The following DHX30 variants were observed in gnomAD, a reference collection of about 807,000 sequenced individuals.
DHX30 encodes the protein DExH-box helicase 30.
A neutral mutation model predicts 116.9 loss-of-function variants in DHX30; 4 were observed. That is an observed-to-expected ratio of 0.03 (90% CI 0.02 to 0.08). The LOEUF is 0.08. Ranked by LOEUF, DHX30 falls within the 10% of genes least tolerant of loss-of-function variation. The pLI, the probability that DHX30 is intolerant of heterozygous loss-of-function variation, is 1.00. For synonymous variants in DHX30, 697 were observed against 651.7 expected, an observed-to-expected ratio of 1.07 and a Z score of -1.06; for missense variants, 871 against 1,595.1, an observed-to-expected ratio of 0.55 and a Z score of 7.73.
intron 2 of DHX30, among the ~76,000 whole-genome samples, chr3:47,809,223 G>A (rs2035674070): frequency 7.1e-6 from 1 of 141,392 alleles, no homozygotes; most frequent in Non-Finnish European, 1.5e-5. Context: ...GGTGTCTATG[G>A]AATGTAACTT....
intron 3 of DHX30, among the ~76,000 whole-genome samples, chr3:47,813,333 C>G (rs2035887651): frequency 6.6e-6 from 1 of 152,020 alleles, no homozygotes; most frequent in Non-Finnish European, 1.5e-5. Context: ...CAGCGAGACT[C>G]CATCTCAAAA....
chr3:47,839,036 G>T (rs1040063720), intron 6 of DHX30, among the ~76,000 whole-genome samples: 1 of 151,756 alleles, frequency 6.6e-6, no homozygotes, highest in Non-Finnish European at 1.5e-5. Flanking sequence ...ACCACCCCTG[G>T]CTAACTGCCT....
rs372320878 is a variant in DHX30, at chr3:47,849,626, C to T, written c.3192-4C>T. 6 of 1,614,078 alleles carry T rather than the reference C, an allele frequency of 3.7e-6. No homozygotes were observed. The African/African-American group carries it at 5.3e-5, about 14-fold the overall frequency. On this transcript the variant is annotated splice_region_variant and splice_polypyrimidine_tract_variant and intron_variant, in intron 20 of 21. Coordinates refer to ENST00000445061, the MANE Select transcript of DHX30 (RefSeq NM_138615.3). The stretch of plus-strand genomic sequence containing the variant: ...GGTGGCCTCACCAGCCCTGTGTTCC[C>T]TAGGGAGGCCACACGGTTACGGAGC...
chr3:47,841,571 G>A (rs1459710855), intron 7 of DHX30, 46 bp from the exon 8 acceptor site: 2 of 1,613,384 alleles, frequency 1.2e-6, no homozygotes, highest in Admixed American at 3.3e-5. Flanking sequence ...AGGGAAATTG[G>A]TCCAGGAAGA....
chr3:47,825,880 C>T (rs553604627), intron 4 of DHX30: 1 of 151,696 alleles, frequency 6.6e-6, no homozygotes, highest in South Asian at 2.1e-4. Flanking sequence ...GATATGGTTT[C>T]TTAACTGCTT....
chr3:47,820,438 G>A (rs2036247674), intron 4 of DHX30, among the ~76,000 whole-genome samples: 1 of 152,220 alleles, frequency 6.6e-6, no homozygotes, highest in Non-Finnish European at 1.5e-5. Context: ...TGCCAGCCAA[G>A]TGGATCCTTT....
At chr3:47,819,399 T>A in intron 4 of DHX30, 1 of 822,860 alleles carries the variant, frequency 1.2e-6, no homozygotes, top group Non-Finnish European at 1.9e-6. Flanking sequence ...GATGGGCAGT[T>A]GCTGCCTCTG....
intron 3 of DHX30, 105 bp from the exon 4 acceptor site, chr3:47,817,917 C>T: frequency 1.3e-6 from 1 of 776,734 alleles, no homozygotes; most frequent in Non-Finnish European, 2.4e-6. Context: ...TCCAGCAGCC[C>T]TGTTGCCCAG....
At chr3:47,817,916 C>T in intron 3 of DHX30, 106 bp from the exon 4 acceptor site, 1 of 776,404 alleles carries the variant, frequency 1.3e-6, no homozygotes, top group Admixed American at 1.7e-5. Context: ...GTCCAGCAGC[C>T]CTGTTGCCCA....
At chr3:47,809,391 A>G (rs1263621241) in intron 2 of DHX30, among the ~76,000 whole-genome samples, 1 of 151,592 alleles carries the variant, frequency 6.6e-6, no homozygotes, top group Non-Finnish European at 1.5e-5. Flanking sequence ...ACAGGCCCGC[A>G]CAACCATGCC....
At chr3:47,806,450 T>C (rs2035527621) in intron 2 of DHX30, among the ~76,000 whole-genome samples, 1 of 142,142 alleles carries the variant, frequency 7.0e-6, no homozygotes, top group South Asian at 2.2e-4. Flanking sequence ...CCAATTTTTT[T>C]CTTTTTTTTT....
At chr3:47,805,798 C>T (rs1253994685) in intron 2 of DHX30, among the ~76,000 whole-genome samples, 1 of 152,188 alleles carries the variant, frequency 6.6e-6, no homozygotes, top group African/African-American at 2.4e-5. Flanking sequence ...GCCTCAGCCT[C>T]CCAAAGTGCT....
rs569127069 is a variant in DHX30, at chr3:47,847,732, A to G, written c.2111-49A>G. 5 of 1,587,042 alleles carry G rather than the reference A, an allele frequency of 3.2e-6. No homozygotes were observed. Among genetic ancestry groups the G allele is most frequent in the South Asian group, 1.1e-5 (1 of 88,434 alleles). On this transcript the variant is annotated intron_variant, in intron 13 of 21. Transcript: ENST00000445061. The surrounding 1 kb of genome is among the most constrained non-coding windows in gnomAD (Gnocchi z 5.5). ...TTGCCCTGCCCACATTCCAGGGGGG[A>G]ATTCTGGTGGAAGCAGTGCCCATAA...
At chr3:47,821,663 A>G (rs1256148059) in intron 4 of DHX30, among the ~76,000 whole-genome samples, 1 of 152,034 alleles carries the variant, frequency 6.6e-6, no homozygotes, top group South Asian at 2.1e-4. Context: ...CAATGGCGCA[A>G]TGTCGGCTCA....
In DHX30 at chr3:47,849,987, G is replaced by A. The variant is rs541950474; in HGVS notation, c.3452G>A (p.Arg1151Gln). 18 of 1,612,526 alleles carry A rather than the reference G, an allele frequency of 1.1e-5. No homozygotes were observed. The highest frequency in any genetic ancestry group is 1.7e-4 in the Middle Eastern group (1 of 6,060). The change falls in exon 22 of 22, where the codon CGG (arginine) becomes CAG (glutamine). Residue 1151 changes from arginine (R) to glutamine (Q), a missense_variant. Arg to Gln is a conservative substitution (Grantham distance 43). Transcript: ENST00000445061. ...CGGGCCCTGGGCCGCATGGTGGAGC[G>A]GAGCCTGCGCAGCGAGCTGGCTGCA... ...LRRALGRMVE[R>Q]SLRSELAALP...
chr3:47,837,018 A>G (rs1360283053), intron 6 of DHX30, among the ~76,000 whole-genome samples: 1 of 152,214 alleles, frequency 6.6e-6, no homozygotes, highest in East Asian at 1.9e-4. Flanking sequence ...CTGGCAGCAC[A>G]AAGGGGACTG....
chr3:47,827,648 G>T (rs571460277), intron 5 of DHX30, among the ~76,000 whole-genome samples, 171 bp downstream of exon 5: 2 of 152,228 alleles, frequency 1.3e-5, no homozygotes, highest in African/African-American at 2.4e-5. Flanking sequence ...CAGAATACAC[G>T]TGCCTGGTTT....
chr3:47,841,932 A>G, intron 8 of DHX30, 195 bp downstream of exon 8: 1 of 728,386 alleles, frequency 1.4e-6, no homozygotes. Flanking sequence ...CAGCACAGGG[A>G]GTGGGCTTGG....
At chr3:47,830,513 C>T (rs1251732918) in intron 6 of DHX30, among the ~76,000 whole-genome samples, 2 of 152,144 alleles carry the variant, frequency 1.3e-5, no homozygotes, top group Admixed American at 6.5e-5. Flanking sequence ...GTTGCTCAGG[C>T]TGGTCTCTAA....
Sources: gnomAD v4.1 joint callset for allele counts (sites outside exome capture counted in the v4.1 genomes callset) on GRCh38, gnomAD v4.1.1 for gene constraint, Gnocchi (gnomAD v3.1) non-coding constraint, MANE v1.5 for transcripts, NCBI Gene and HGNC (gene_info 2026-07-23, HGNC 2026-07-21) for gene names.